The following ABCB5 variants were observed in gnomAD, a reference collection of about 807,000 sequenced individuals.
ABCB5 encodes the protein ATP-binding cassette sub-family B member 5.
A neutral mutation model predicts 144.2 loss-of-function variants in ABCB5; 155 were observed. The ratio of observed to expected loss-of-function variants is 1.08; its 90% CI spans 0.94 to 1.23. The LOEUF (loss-of-function observed/expected upper bound fraction) is 1.23, where lower values mean the gene tolerates loss of function less well. Among genes scored for constraint, ABCB5 ranks in the 50% most tolerant of loss-of-function variants. The pLI is 0.00. For missense variants in ABCB5, 1,830 were observed against 1,520.8 expected, an observed-to-expected ratio of 1.20 and a Z score of -3.38; for synonymous variants, 610 against 528.6, an observed-to-expected ratio of 1.15 and a Z score of -2.11.
intron 1 of ABCB5, among the ~76,000 whole-genome samples, chr7:20,620,529 C>A (rs1424540277): frequency 2.6e-5 from 4 of 151,510 alleles, no homozygotes; most frequent in Admixed American, 1.3e-4. Flanking sequence ...ATATAAAGAA[C>A]ACCTACAACT....
intron 14 of ABCB5, among the ~76,000 whole-genome samples, chr7:20,665,454 C>G (rs1252756538): frequency 6.6e-6 from 1 of 152,078 alleles, no homozygotes; most frequent in Non-Finnish European, 1.5e-5. Context: ...AAACAAAAGG[C>G]CTATGTTTCC....
At chr7:20,719,324 G>A (rs1167235895) in intron 20 of ABCB5, among the ~76,000 whole-genome samples, 1 of 152,042 alleles carries the variant, frequency 6.6e-6, no homozygotes, top group Non-Finnish European at 1.5e-5. Context: ...TCCATAAAAT[G>A]TGTAGTTCTT....
intron 13 of ABCB5, among the ~76,000 whole-genome samples, chr7:20,657,502 A>G (rs1005463336): frequency 3.9e-5 from 6 of 152,218 alleles, no homozygotes; most frequent in African/African-American, 1.4e-4. Context: ...AAGCTAGGTA[A>G]AAGAAACAAG....
rs1256863597 is a variant in ABCB5, at chr7:20,647,701, C to T, written c.1095+53C>T. The T allele has an allele frequency of 2.6e-6, 4 of 1,526,406 alleles. No homozygotes were observed. In the Admixed American group the frequency reaches 7.1e-5, roughly 27 times the overall value. 94.6% of individuals were successfully genotyped at this position (1,526,406 alleles called of 1,614,324 possible). On this transcript the variant is annotated intron_variant, in intron 10 of 27. Transcript: ENST00000404938. Reference sequence around the variant, plus strand: ...AACTATCATTACTGCAAGAAGGAGACAAAAAAACATACACCCTCATTTTCA... The same window carrying T: ...AACTATCATTACTGCAAGAAGGAGATAAAAAAACATACACCCTCATTTTCA...
chr7:20,653,640 A>C (rs1784675015), intron 13 of ABCB5, among the ~76,000 whole-genome samples: 1 of 152,198 alleles, frequency 6.6e-6, no homozygotes, highest in South Asian at 2.1e-4. Flanking sequence ...GTCTGGGAAC[A>C]CTGAGCTGAA....
intron 16 of ABCB5, among the ~76,000 whole-genome samples, chr7:20,689,033 G>C (rs1003839472): frequency 1.3e-5 from 2 of 151,938 alleles, no homozygotes; most frequent in African/African-American, 2.4e-5. Context: ...GAGTTAATGG[G>C]TACAGCACAC....
chr7:20,641,121 G>T (rs181697095), intron 5 of ABCB5, among the ~76,000 whole-genome samples: 45 of 152,126 alleles, frequency 3.0e-4, no homozygotes, highest in African/African-American at 1.1e-3. Context: ...CCATTTCGAG[G>T]TTTAACAGGC....
intron 14 of ABCB5, among the ~76,000 whole-genome samples, chr7:20,679,777 GAA>G (rs1175317251): frequency 2.6e-5 from 4 of 152,146 alleles, no homozygotes; most frequent in Non-Finnish European, 5.9e-5. Context: ...GTCTTAGTCA[GAA>G]TATAGAGCAA....
At chr7:20,623,232 A>G (rs57228312) in intron 1 of ABCB5, 33 bp from the exon 2 acceptor site, 45,635 of 1,219,756 alleles carry the variant, frequency 0.037, 1,245 homozygotes, top group East Asian at 0.1. Context: ...AAAGTCACAT[A>G]GCCATAATAC....
chr7:20,627,179 C>T (rs1187964600), intron 3 of ABCB5, among the ~76,000 whole-genome samples: 1 of 152,108 alleles, frequency 6.6e-6, no homozygotes, highest in Non-Finnish European at 1.5e-5. Flanking sequence ...ATCTCTGTGT[C>T]AGCCTGGCTG....
At chr7:20,660,610 C>T (rs1319531627) in intron 14 of ABCB5, among the ~76,000 whole-genome samples, 6 of 152,118 alleles carry the variant, frequency 3.9e-5, no homozygotes, top group African/African-American at 1.4e-4. Flanking sequence ...AGTTATGGAA[C>T]CAAGCCCTTG....
chr7:20,686,920 C>G (rs147321956), intron 16 of ABCB5, among the ~76,000 whole-genome samples: 27 of 152,330 alleles, frequency 1.8e-4, no homozygotes, highest in Non-Finnish European at 3.8e-4. Flanking sequence ...CCTTCTCTGG[C>G]ATTGCTAATC....
intron 17 of ABCB5, among the ~76,000 whole-genome samples, chr7:20,699,593 C>T (rs952914480): frequency 1.3e-4 from 20 of 151,612 alleles, no homozygotes; most frequent in East Asian, 5.8e-4. Context: ...CCCAGCTACT[C>T]GGGAGGCTGA....
chr7:20,651,262 T>C (rs3213622), intron 12 of ABCB5, among the ~76,000 whole-genome samples, 158 bp from the exon 13 acceptor site: 55,020 of 152,048 alleles, frequency 0.36, 10,774 homozygotes, highest in African/African-American at 0.52. Context: ...AAAAAGTCTA[T>C]GGACAATATA....
intron 7 of ABCB5, 83 bp from the exon 8 acceptor site, chr7:20,645,673 A>T (rs1029226492): frequency 1.3e-6 from 2 of 1,513,916 alleles, no homozygotes. Flanking sequence ...TCTACTTAGA[A>T]TTCAAATTCT....
intron 5 of ABCB5, among the ~76,000 whole-genome samples, chr7:20,632,814 G>A (rs992868540): frequency 7.0e-5 from 10 of 142,784 alleles, no homozygotes; most frequent in Admixed American, 1.5e-4. Flanking sequence ...GGAACAATGA[G>A]AACACATGGA....
intron 16 of ABCB5, among the ~76,000 whole-genome samples, chr7:20,695,003 A>G (rs140439835): frequency 6.6e-6 from 1 of 152,142 alleles, no homozygotes; most frequent in Admixed American, 6.5e-5. Context: ...AAAATTCAGT[A>G]TAGTTAAGAT....
rs1583455440 is a variant in ABCB5, at chr7:20,728,345, A to C, written c.2757A>C (p.Gly919=). The change falls in exon 23 of 28, where the codon GGA becomes GGC. Residue 919 remains glycine (G), a synonymous_variant. Coordinates refer to ENST00000404938, the MANE Select transcript of ABCB5 (RefSeq NM_001163941.2). The part of the protein sequence containing the change: ...RNTSKKAQII[G]SCYAFSHAFI... ...CCTCGAAGAAAGCACAGATTATTGG[A>C]AGCTGTTATGCATTCAGCCATGCCT... 3.7e-6 allele frequency: 6 copies of C among 1,614,134 alleles called. No homozygotes were observed. The highest frequency in any genetic ancestry group is 2.2e-5 in the East Asian group (1 of 44,886).
In ABCB5 at chr7:20,727,718, C is replaced by T. The variant is rs182338276; in HGVS notation, c.2726+578C>T. 2.6e-5 allele frequency among the ~76,000 whole-genome samples: 4 copies of T among 152,170 alleles called. No individual in the cohort carries two copies. The East Asian group carries it at 5.8e-4, about 22-fold the overall frequency. ...CATTACACTCCAACTCCAGCCTAGG[C>T]GACACAGCAAGAGAAAAGAGCTCGG... On this transcript the variant is annotated intron_variant, in intron 22 of 27. Transcript: ENST00000404938.
Sources: allele counts gnomAD v4.1 joint callset (sites outside exome capture counted in the v4.1 genomes callset), GRCh38; gene constraint gnomAD v4.1.1; transcripts MANE v1.5; gene names NCBI Gene and HGNC (gene_info 2026-07-23, HGNC 2026-07-21).